RNGTT: variants seen among roughly 807,000 people sequenced by gnomAD.
RNGTT encodes the protein RNA guanylyltransferase and 5'-phosphatase, also known as mRNA-capping enzyme.
In RNGTT, 33 loss-of-function variants were observed where a neutral mutation model predicts 79.3. That is an observed-to-expected ratio of 0.42 (90% confidence interval 0.32 to 0.56). The LOEUF (loss-of-function observed/expected upper bound fraction) is 0.56. Among genes scored for constraint, RNGTT ranks in the 20% least tolerant of loss-of-function variants. The probability of loss-of-function intolerance (pLI) is 0.17; values close to 1 mark genes in which losing one functional copy is unlikely to be tolerated. For synonymous variants in RNGTT, 222 were observed against 235.9 expected, an observed-to-expected ratio of 0.94 and a Z score of 0.54; for missense variants, 497 against 739.1, an observed-to-expected ratio of 0.67 and a Z score of 3.80.
intron 13 of RNGTT, among the ~76,000 whole-genome samples, chr6:88,734,721 T>C (rs1253844384): frequency 6.6e-6 from 1 of 152,134 alleles, no homozygotes; most frequent in African/African-American, 2.4e-5. Flanking sequence ...AACACTATGG[T>C]GACGTACAAG....
intron 1 of RNGTT, among the ~76,000 whole-genome samples, chr6:88,951,086 T>G (rs1000170544): frequency 6.6e-6 from 1 of 152,116 alleles, no homozygotes; most frequent in African/African-American, 2.4e-5. Context: ...TTTGAACTCC[T>G]GACCTCAGGT....
intron 13 of RNGTT, among the ~76,000 whole-genome samples, chr6:88,708,999 T>C (rs1401826579): frequency 6.6e-6 from 1 of 152,106 alleles, no homozygotes; most frequent in Non-Finnish European, 1.5e-5. Flanking sequence ...GGAAGGAAGA[T>C]GAAATCATCT....
chr6:88,760,701 G>A (rs1161539943), intron 13 of RNGTT, among the ~76,000 whole-genome samples: 1 of 151,880 alleles, frequency 6.6e-6, no homozygotes, highest in African/African-American at 2.4e-5. Context: ...TTGTGAAAGA[G>A]GCAGAGGGTA....
chr6:88,769,743 T>C lies in RNGTT; in HGVS notation c.1439+31A>G, dbSNP rs745644780. On this transcript the variant is annotated intron_variant, in intron 13 of 15. Coordinates refer to ENST00000369485, the MANE Select transcript of RNGTT (RefSeq NM_003800.5). ...GAAGCCTTACACAAACAGTATTATT[T>C]CATGCAAAAAGTACAAAAGTGCATA... The C allele has an allele frequency of 2.2e-6, 3 of 1,354,596 alleles. No homozygotes were observed. In the South Asian group the frequency reaches 3.6e-5, roughly 16 times the overall value. 83.9% of individuals were successfully genotyped at this position (1,354,596 alleles called of 1,614,324 possible).
intron 13 of RNGTT, among the ~76,000 whole-genome samples, chr6:88,712,218 A>G (rs775294280): frequency 1.3e-5 from 2 of 152,256 alleles, no homozygotes; most frequent in East Asian, 3.8e-4. Context: ...ATAAGGCAAA[A>G]TAAAATAAAT....
chr6:88,750,241 G>A (rs933675571), intron 13 of RNGTT, among the ~76,000 whole-genome samples: 1 of 152,112 alleles, frequency 6.6e-6, no homozygotes, highest in Non-Finnish European at 1.5e-5. Context: ...AAAAGAAGGG[G>A]GTTGGGGTGG....
intron 6 of RNGTT, 91 bp from the exon 7 acceptor site, chr6:88,892,006 A>G: frequency 1.1e-6 from 1 of 877,086 alleles, no homozygotes; most frequent in South Asian, 2.0e-5. Context: ...GAGATAAATT[A>G]GTTTGTTCTC....
rs541647357 is a variant in RNGTT, at chr6:88,770,193, G to A, written c.1339-319C>T. Among the ~76,000 whole-genome samples the A allele has an allele frequency of 3.2e-4, 48 of 152,058 alleles. 2 individuals are homozygous for A. The South Asian group carries it at 9.5e-3, about 30-fold the overall frequency. On this transcript the variant is annotated intron_variant, in intron 12 of 15. Coordinates refer to ENST00000369485, the MANE Select transcript of RNGTT (RefSeq NM_003800.5). ...TTTTTCTTGTTCAGCTTTATGGAGG[G>A]ATAATTTATAATGAATAAAATTAAC...
intron 14 of RNGTT, among the ~76,000 whole-genome samples, chr6:88,661,745 CAA>C (rs1774195129): frequency 6.6e-6 from 1 of 152,068 alleles, no homozygotes; most frequent in Non-Finnish European, 1.5e-5. Context: ...ATCACATATT[CAA>C]AGAGTTGGTA....
chr6:88,826,336 A>C (rs1780653630), intron 11 of RNGTT, among the ~76,000 whole-genome samples: 1 of 152,156 alleles, frequency 6.6e-6, no homozygotes, highest in South Asian at 2.1e-4. Context: ...TTGTCTTCAC[A>C]CTCATGCCTT....
At chr6:88,887,016 T>C (rs919660639) in intron 8 of RNGTT, among the ~76,000 whole-genome samples, 4 of 120,106 alleles carry the variant, frequency 3.3e-5, no homozygotes, top group Admixed American at 2.0e-4. Flanking sequence ...TTTGAGACCA[T>C]CCTGAGCAAC....
intron 11 of RNGTT, among the ~76,000 whole-genome samples, chr6:88,832,733 G>GA (rs1290710711): frequency 6.6e-6 from 1 of 151,142 alleles, no homozygotes; most frequent in African/African-American, 2.4e-5. Context: ...AAATTTACAA[G>GA]AAAAAACAAC....
chr6:88,765,373 G>T (rs534664491), intron 13 of RNGTT, among the ~76,000 whole-genome samples: 1 of 151,992 alleles, frequency 6.6e-6, no homozygotes, highest in East Asian at 1.9e-4. Flanking sequence ...TTCTGCTGAG[G>T]TTCAATTAAT....
chr6:88,726,389 C>CAAAAAAAA (rs61210098), intron 13 of RNGTT, among the ~76,000 whole-genome samples: 28 of 99,534 alleles, frequency 2.8e-4, no homozygotes, highest in East Asian at 6.7e-4. Context: ...ATCCTAAGTC[C>CAAAAAAAA]AAAAAAAAAA....
intron 8 of RNGTT, among the ~76,000 whole-genome samples, chr6:88,882,351 ATTAG>A (rs1390150547): frequency 1.3e-5 from 2 of 152,336 alleles, no homozygotes; most frequent in East Asian, 1.9e-4. Context: ...ATAATTTATT[ATTAG>A]TTAAATAGTT....
At chr6:88,810,593 C>T (rs764214261) in intron 11 of RNGTT, among the ~76,000 whole-genome samples, 1 of 152,050 alleles carries the variant, frequency 6.6e-6, no homozygotes, top group African/African-American at 2.4e-5. Context: ...TAAAATAGCA[C>T]GACTTGAAAA....
intron 11 of RNGTT, among the ~76,000 whole-genome samples, chr6:88,820,253 G>C (rs1010457371): frequency 1.3e-5 from 2 of 152,136 alleles, no homozygotes; most frequent in South Asian, 4.1e-4. Flanking sequence ...GAGGCTAGCA[G>C]TTCCACACTA....
intron 13 of RNGTT, among the ~76,000 whole-genome samples, chr6:88,735,360 C>T (rs1360015823): frequency 6.6e-6 from 1 of 151,838 alleles, no homozygotes; most frequent in Non-Finnish European, 1.5e-5. Flanking sequence ...ATAATTCATC[C>T]AACAATAGCA....
At chr6:88,771,309 GTGTGTGTATATATATATA>G (rs1371272419) in intron 12 of RNGTT, among the ~76,000 whole-genome samples, 1,009 of 87,344 alleles carry the variant, frequency 0.012, 13 homozygotes, top group African/African-American at 0.016. Context: ...ATGTATGTGT[GTGTGTGTATATATATATA>G]TATATATATA....
Sources: gnomAD v4.1 joint callset for allele counts (sites outside exome capture counted in the v4.1 genomes callset) on GRCh38, gnomAD v4.1.1 for gene constraint, MANE v1.5 for transcripts, NCBI Gene and HGNC (gene_info 2026-07-23, HGNC 2026-07-21) for gene names.